The following NGEF variants were observed in gnomAD, a reference collection of about 807,000 sequenced individuals.
The protein encoded by NGEF is ephexin-1.
A neutral mutation model predicts 80.9 loss-of-function variants in NGEF; 31 were observed. That is an observed-to-expected ratio of 0.38 (90% CI 0.29 to 0.52). The LOEUF is 0.52. NGEF is among the 20% of genes least tolerant of loss of function. The pLI, the probability that NGEF is intolerant of heterozygous loss-of-function variation, is 0.84. For missense variants in NGEF, 709 were observed against 926.2 expected (o/e 0.77, Z 3.04); for synonymous variants, 371 against 370.2 (o/e 1.00, Z -0.03).
chr2:232,981,889 C>T (rs370847500), intron 1 of NGEF, among the ~76,000 whole-genome samples: 13 of 152,334 alleles, frequency 8.5e-5, no homozygotes, highest in East Asian at 3.9e-4. Flanking sequence ...TACACCTGCT[C>T]GGGAACAGGC....
At chr2:232,992,880 A>C (rs1255268624) in intron 1 of NGEF, among the ~76,000 whole-genome samples, 1 of 150,280 alleles carries the variant, frequency 6.7e-6, no homozygotes, top group Non-Finnish European at 1.5e-5. Flanking sequence ...GCAGCTATTC[A>C]GGAGGCTGAG....
At chr2:232,926,176 T>C (rs982509029) in intron 4 of NGEF, among the ~76,000 whole-genome samples, 5 of 152,214 alleles carry the variant, frequency 3.3e-5, no homozygotes, top group Non-Finnish European at 7.4e-5. Flanking sequence ...GAAGAAATTT[T>C]CCAAACCTAG....
chr2:232,983,256 G>A (rs1694473144), intron 1 of NGEF, among the ~76,000 whole-genome samples: 1 of 151,392 alleles, frequency 6.6e-6, no homozygotes, highest in African/African-American at 2.5e-5. Flanking sequence ...AGCCTAGAAA[G>A]TTCTGTACCT....
rs375393249 is a variant in NGEF, at chr2:232,979,357, T to TACACACACACAC, written c.-74-4405_-74-4394dup. Among the ~76,000 whole-genome samples the TACACACACACAC allele has an allele frequency of 2.0e-4, 22 of 110,384 alleles. No individual in the cohort carries two copies. The East Asian group carries it at 3.8e-3, about 19-fold the overall frequency. 72.4% of individuals were successfully genotyped at this position (110,384 alleles called of 152,430 possible). A position where few individuals can be genotyped will look rare whatever the true frequency, so the allele number is the denominator to read the frequency against. Reference sequence around the variant, plus strand: ...GATCTTACCACCTTTGAGATGATTTTACACACACACACACACACACACACA... The same window carrying TACACACACACAC: ...GATCTTACCACCTTTGAGATGATTTTACACACACACACACACACACACACACACACACACACA... On this transcript the variant is annotated intron_variant, in intron 1 of 14. Transcript: ENST00000264051.
intron 3 of NGEF, among the ~76,000 whole-genome samples, chr2:232,947,726 G>A (rs1365243965): frequency 2.0e-5 from 3 of 152,154 alleles, no homozygotes; most frequent in Admixed American, 6.6e-5. Flanking sequence ...TTATAGCAGT[G>A]TGAGAACAGA....
chr2:232,999,410 G>A (rs532514345), intron 1 of NGEF, among the ~76,000 whole-genome samples: 5 of 152,222 alleles, frequency 3.3e-5, no homozygotes, highest in South Asian at 4.1e-4. Context: ...GCATTGTGTC[G>A]GGGACTGGTG....
chr2:232,899,788 ACATTCACT>A (rs1338597591), intron 5 of NGEF, among the ~76,000 whole-genome samples: 2 of 112,586 alleles, frequency 1.8e-5, no homozygotes, highest in East Asian at 5.0e-4. Context: ...ACGTTCACTC[ACATTCACT>A]CACACACACG....
chr2:232,906,762 T>C, intron 5 of NGEF, among the ~76,000 whole-genome samples: 1 of 151,224 alleles, frequency 6.6e-6, no homozygotes, highest in South Asian at 2.1e-4. Flanking sequence ...GGGGAAAAGA[T>C]TGAGAAATCG....
chr2:232,966,028 A>G (rs1004326630), intron 3 of NGEF, among the ~76,000 whole-genome samples: 6 of 152,192 alleles, frequency 3.9e-5, no homozygotes, highest in Admixed American at 3.9e-4. Flanking sequence ...TTTGCTGGCT[A>G]CTTGGAAGTT....
At chr2:232,968,769 A>C (rs938454228) in intron 3 of NGEF, among the ~76,000 whole-genome samples, 4 of 152,206 alleles carry the variant, frequency 2.6e-5, no homozygotes, top group Non-Finnish European at 4.4e-5. Flanking sequence ...TGGCCATGTG[A>C]CCCAGTTTTG....
chr2:232,914,377 C>T (rs189420230), intron 5 of NGEF, among the ~76,000 whole-genome samples: 38 of 152,326 alleles, frequency 2.5e-4, no homozygotes, highest in Admixed American at 2.3e-3. Flanking sequence ...TCGGTAGCCA[C>T]ACGGAGCTAG....
At chr2:232,890,571 C>G (rs1691849313) in intron 8 of NGEF, among the ~76,000 whole-genome samples, 1 of 152,178 alleles carries the variant, frequency 6.6e-6, no homozygotes, top group African/African-American at 2.4e-5. Flanking sequence ...ATCCTGAGCC[C>G]TCCCCGCCCC....
Position 232,975,400 on chromosome 2 carries a change from T to C in NGEF, c.-74-436A>G, listed in dbSNP as rs545055363. Among the ~76,000 whole-genome samples the C allele has an allele frequency of 1.8e-3, 275 of 152,228 alleles. 2 individuals carry two copies. Among genetic ancestry groups the C allele is most frequent in the African/African-American group, 6.4e-3 (266 of 41,542 alleles). On this transcript the variant is annotated intron_variant, in intron 1 of 14. Coordinates refer to ENST00000264051, the MANE Select transcript of NGEF (RefSeq NM_019850.3). ...GGTCTCACAATGGTAAGTTTAGACATGGGCAAGGTTGATCCCCAAGGCGAC... is the reference window on the plus strand; with the variant it reads ...GGTCTCACAATGGTAAGTTTAGACACGGGCAAGGTTGATCCCCAAGGCGAC...
At chr2:232,990,417 T>A (rs1694627763) in intron 1 of NGEF, among the ~76,000 whole-genome samples, 1 of 152,152 alleles carries the variant, frequency 6.6e-6, no homozygotes, top group Admixed American at 6.5e-5. Flanking sequence ...GAAAATGGAA[T>A]ATTAAAAATA....
intron 5 of NGEF, among the ~76,000 whole-genome samples, chr2:232,899,144 AGAGT>A (rs200265328): frequency 6.7e-6 from 1 of 149,582 alleles, no homozygotes; most frequent in East Asian, 2.0e-4. Context: ...AAAGAGTATG[AGAGT>A]GTGTGACAGT....
chr2:232,955,257 A>G (rs1693798402), intron 3 of NGEF, among the ~76,000 whole-genome samples: 1 of 152,208 alleles, frequency 6.6e-6, no homozygotes, highest in Non-Finnish European at 1.5e-5. Context: ...CTGACATCCC[A>G]TCATCCCCAA....
chr2:232,941,586 C>T (rs1407093924), intron 3 of NGEF, among the ~76,000 whole-genome samples: 4 of 150,092 alleles, frequency 2.7e-5, no homozygotes, highest in Non-Finnish European at 5.9e-5. Context: ...CACTTTTACT[C>T]GTACGTGTTT....
At chr2:232,986,318 T>C (rs1157425137) in intron 1 of NGEF, among the ~76,000 whole-genome samples, 1 of 152,130 alleles carries the variant, frequency 6.6e-6, no homozygotes, top group East Asian at 1.9e-4. Flanking sequence ...CTCAAGAGGT[T>C]AAAAATAGAA....
intron 1 of NGEF, among the ~76,000 whole-genome samples, chr2:232,982,878 G>A (rs1694461358): frequency 6.6e-6 from 1 of 152,234 alleles, no homozygotes; most frequent in Non-Finnish European, 1.5e-5. Context: ...TTAGACAGAG[G>A]AAGGAGACAC....
Sources: allele counts gnomAD v4.1 joint callset (sites outside exome capture counted in the v4.1 genomes callset), GRCh38; gene constraint gnomAD v4.1.1; transcripts MANE v1.5; gene names NCBI Gene and HGNC (gene_info 2026-07-23, HGNC 2026-07-21).